The following CNOT3 variants were observed in gnomAD, a reference collection of about 807,000 sequenced individuals.
CNOT3 encodes CCR4-NOT transcription complex subunit 3.
Under a neutral mutation model 89.4 loss-of-function variants are expected in CNOT3, and 2 were observed. That is an observed-to-expected ratio of 0.02 (90% CI 0.01 to 0.07). The LOEUF is 0.07. Among genes scored for constraint, CNOT3 ranks in the 10% least tolerant of loss-of-function variants. CNOT3 has a pLI of 1.00. For synonymous variants in CNOT3, 486 were observed against 402.0 expected (o/e 1.21, Z -2.50); for missense variants, 664 against 1,010.2 (o/e 0.66, Z 4.65).
Position 54,152,482 on chromosome 19 carries a change from A to C in CNOT3, c.1760A>C (p.Gln587Pro). Reference protein sequence around the residue: ...APPASAQPPLQLSEVNIPLSL... With the variant: ...APPASAQPPLPLSEVNIPLSL... ...CCGGCCTCAGCCCAGCCGCCCCTGCAGCTGTCAGAGGTGAACATACCGCTG... is the reference window on the plus strand; with the variant it reads ...CCGGCCTCAGCCCAGCCGCCCCTGCCGCTGTCAGAGGTGAACATACCGCTG... The change falls in exon 15 of 18, where the codon CAG becomes CCG. Residue 587 changes from glutamine to proline, a missense_variant. Around this residue, in one of 8 missense-constraint regions of CNOT3, gnomAD observed 545 missense variants for 566.2 expected, o/e 0.96. Transcript: ENST00000221232. The C allele has an allele frequency of 1.9e-6, 3 of 1,614,180 alleles. No homozygotes were observed. The highest frequency in any genetic ancestry group is 2.5e-6 in the Non-Finnish European group (3 of 1,180,018).
At chr19:54,146,510 G>A in intron 9 of CNOT3, 91 bp from the exon 10 acceptor site, 1 of 772,640 alleles carries the variant, frequency 1.3e-6, no homozygotes, top group Non-Finnish European at 2.4e-6. Context: ...CAGTCAATTG[G>A]GCCCAGGTCC....
At chr19:54,152,694 T>C in intron 15 of CNOT3, 68 bp downstream of exon 15, 1 of 1,333,564 alleles carries the variant, frequency 7.5e-7, no homozygotes, top group African/African-American at 1.4e-5. Context: ...TGGCTGAACC[T>C]GTGAGGCTGT....
In CNOT3 at chr19:54,148,443, G is replaced by T. The variant is rs753246658; in HGVS notation, c.1190G>T (p.Gly397Val). The change falls in exon 11 of 18, where the codon GGA becomes GTA. Residue 397 changes from glycine (G) to valine (V), a missense_variant. Physicochemically the swap from Gly to Val is moderately radical, Grantham distance 109. This residue lies in a region of CNOT3 where 545 missense variants were observed against 566.2 expected (regional missense o/e 0.96). Coordinates refer to ENST00000221232, the MANE Select transcript of CNOT3 (RefSeq NM_014516.4). The surrounding 1 kb of genome is among the most constrained non-coding windows in gnomAD (Gnocchi z 6.3). ...CGGCCCCCCAGCGTCCAGCCTAGCGGAGGCGGAGGCGGCGGCAGCGGAGGC... is the reference window on the plus strand; with the variant it reads ...CGGCCCCCCAGCGTCCAGCCTAGCGTAGGCGGAGGCGGCGGCAGCGGAGGC... The part of the protein sequence containing the change: ...QPRPPSVQPS[G>V]GGGGGSGGGG... 6.4e-7 allele frequency: 1 copy of T among 1,567,658 alleles called. No homozygotes were observed. The highest frequency in any genetic ancestry group is 8.7e-7 in the Non-Finnish European group (1 of 1,154,718).
chr19:54,143,555 G>A lies in CNOT3; in HGVS notation c.168+39G>A, dbSNP rs767148026. The A allele has an allele frequency of 1.1e-5, 17 of 1,610,098 alleles. No homozygotes were observed. In the Admixed American group the frequency reaches 2.8e-4, roughly 27 times the overall value. On this transcript the variant is annotated intron_variant, in intron 4 of 17. Coordinates refer to ENST00000221232, the MANE Select transcript of CNOT3 (RefSeq NM_014516.4). ...GGGCCTGGACGCCTTTGTCCTGAGG[G>A]TAGAGGGAACTGGGAGAGTGGACTG...
At position 54,155,554 on chromosome 19, in the gene CNOT3, T is replaced by G; in HGVS notation, c.*147T>G. 1 of 928,166 alleles carries G rather than the reference T, an allele frequency of 1.1e-6. No individual in the cohort carries two copies. Among genetic ancestry groups the G allele is most frequent in the Non-Finnish European group, 1.6e-6 (1 of 626,666 alleles). 57.5% of individuals were successfully genotyped at this position (928,166 alleles called of 1,614,324 possible). A position where few individuals can be genotyped will look rare whatever the true frequency, so the allele number is the denominator to read the frequency against. On this transcript the variant is annotated 3_prime_UTR_variant, in exon 18 of 18. Coordinates refer to ENST00000221232, the MANE Select transcript of CNOT3 (RefSeq NM_014516.4). The stretch of plus-strand genomic sequence containing the variant: ...AAGCAGGGAGGGGGCCGGGAGGTTT[T>G]CCTCTCAGCCCCACCCTGGGGGCCC...
Position 54,149,551 on chromosome 19 carries a change from T to G in CNOT3, c.1407-9T>G, listed in dbSNP as rs1414794768. 13 of 1,547,680 alleles carry G rather than the reference T, an allele frequency of 8.4e-6. No homozygotes were observed. Among genetic ancestry groups the G allele is most frequent in the African/African-American group, 6.9e-5 (5 of 72,784 alleles). ...CCTCTCAACCCCCTCTTCCATGCTC[T>G]CTCTCCAGGAAGGAACCCAGTGCGG... On this transcript the variant is annotated splice_polypyrimidine_tract_variant and intron_variant, in intron 12 of 17. Coordinates refer to ENST00000221232, the MANE Select transcript of CNOT3 (RefSeq NM_014516.4).
intron 17 of CNOT3, chr19:54,154,255 G>A (rs749479139): frequency 5.4e-5 from 20 of 370,250 alleles, no homozygotes; most frequent in Non-Finnish European, 9.0e-5. Flanking sequence ...CAGGGCAGGG[G>A]CTCAGTGCGG....
rs587602245 is a variant in CNOT3 at position 54,138,808 on chromosome 19, G to C, written c.-51+815G>C. 4.6e-5 allele frequency among the ~76,000 whole-genome samples: 7 copies of C among 152,364 alleles called. No individual in the cohort carries two copies. The South Asian group carries it at 1.4e-3, about 32-fold the overall frequency. On this transcript the variant is annotated intron_variant, in intron 1 of 17. Coordinates refer to ENST00000221232, the MANE Select transcript of CNOT3 (RefSeq NM_014516.4). ...CGCCATCCCGCTGCACTGGGCGCCTGCCTTTTTGGGGGAGTTTGGCTTTCC... is the reference window on the plus strand; with the variant it reads ...CGCCATCCCGCTGCACTGGGCGCCTCCCTTTTTGGGGGAGTTTGGCTTTCC...
rs2074613611 is a variant in CNOT3 at position 54,145,234 on chromosome 19, G to T, written c.484-364G>T. Among the ~76,000 whole-genome samples the T allele has an allele frequency of 1.3e-5, 2 of 152,158 alleles. No homozygotes were observed. Among genetic ancestry groups the T allele is most frequent in the South Asian group, 4.1e-4 (2 of 4,832 alleles). On this transcript the variant is annotated intron_variant, in intron 7 of 17. Transcript: ENST00000221232. The surrounding 1 kb of genome is among the most constrained non-coding windows in gnomAD (Gnocchi z 5.9). Reference sequence around the variant, plus strand: ...CAGGTCGGAGGGTATCTGTATGCCAGAGGCAGTCACAGTGGTGGGCGGGCT... The same window carrying T: ...CAGGTCGGAGGGTATCTGTATGCCATAGGCAGTCACAGTGGTGGGCGGGCT...
At chr19:54,151,414 G>A (rs188908388) in intron 13 of CNOT3, among the ~76,000 whole-genome samples, 1 of 152,236 alleles carries the variant, frequency 6.6e-6, no homozygotes, top group East Asian at 1.9e-4. Flanking sequence ...TTTAGAAGCA[G>A]GACGGATAGC....
Position 54,146,618 on chromosome 19 carries a change from TA to T in CNOT3, c.857del (p.Lys286ArgfsTer49). 6.4e-7 allele frequency: 1 copy of T among 1,555,210 alleles called. No individual in the cohort carries two copies. Reference sequence around the variant, plus strand: ...TACCTCAGGAAAACTCTGAAGATGATAAGAAGAGGGGACGTTCCACAGACAG... The same window carrying T: ...TACCTCAGGAAAACTCTGAAGATGATAGAAGAGGGGACGTTCCACAGACAG... ...NCTTENSEDD[K>X]KRGRSTDSEV... On this transcript the variant is annotated frameshift_variant, in exon 10 of 18. Transcript: ENST00000221232. LOFTEE classifies it high-confidence loss of function.
chr19:54,141,448 C>T (rs1006163993), intron 1 of CNOT3: 1 of 152,194 alleles, frequency 6.6e-6, no homozygotes, highest in Non-Finnish European at 1.5e-5. Flanking sequence ...GCTTCTTGTT[C>T]TAAAGCATAT....
rs2074823085 is a variant in CNOT3, at chr19:54,148,465, A to T, written c.1212A>T (p.Gly404=). The T allele has an allele frequency of 1.3e-6, 2 of 1,560,562 alleles. No individual in the cohort carries two copies. The highest frequency in any genetic ancestry group is 3.6e-5 in the Admixed American group (2 of 56,040). ...GCGGAGGCGGAGGCGGCGGCAGCGG[A>T]GGCGGAGGGAGCAGCAGCAGTAGTA... ...QPSGGGGGGS[G]GGGSSSSSNS... Residue 404 remains glycine (G), a synonymous_variant, in exon 11 of 18, where the codon GGA becomes GGT. Transcript: ENST00000221232. The surrounding 1 kb of genome is among the most constrained non-coding windows in gnomAD (Gnocchi z 6.3).
In CNOT3 at chr19:54,144,480, G is replaced by A. The variant is rs964551556; in HGVS notation, c.483+148G>A. 3.0e-6 allele frequency: 2 copies of A among 667,292 alleles called. No individual in the cohort carries two copies. Among genetic ancestry groups the A allele is most frequent in the East Asian group, 2.7e-5 (1 of 36,808 alleles). 41.3% of individuals were successfully genotyped at this position (667,292 alleles called of 1,614,324 possible). ...AACAGCCGGGATTAGGGATTTGAGA[G>A]ACAGGATTGGGAGGGCTTAGCAGCT... is the stretch of plus-strand genomic sequence containing the variant. On this transcript the variant is annotated intron_variant, in intron 7 of 17. Coordinates refer to ENST00000221232, the MANE Select transcript of CNOT3 (RefSeq NM_014516.4). The surrounding 1 kb of genome is among the most constrained non-coding windows in gnomAD (Gnocchi z 4.8).
At position 54,148,723 on chromosome 19, in the gene CNOT3, C is replaced by A. The variant is rs768934869; in HGVS notation, c.1386C>A (p.His462Gln). The change falls in exon 12 of 18, where the codon CAC becomes CAA. Residue 462 changes from histidine (H) to glutamine (Q), a missense_variant. This residue lies in a region of CNOT3 where 545 missense variants were observed against 566.2 expected (regional missense o/e 0.96). Coordinates refer to ENST00000221232, the MANE Select transcript of CNOT3 (RefSeq NM_014516.4). The surrounding 1 kb of genome is among the most constrained non-coding windows in gnomAD (Gnocchi z 6.3). ...SQALGPPSGPHNPPPSTSKEP... is the reference protein window; with the variant it reads ...SQALGPPSGPQNPPPSTSKEP... ...CCTTGGGCCCCCCTTCCGGCCCCCA[C>A]AACCCACCTCCCAGCACCTCGTGAG... 4.0e-5 allele frequency: 64 copies of A among 1,611,710 alleles called. No individual in the cohort carries two copies. The South Asian group carries it at 6.6e-4, about 17-fold the overall frequency.
intron 16 of CNOT3, chr19:54,153,321 A>G: frequency 3.9e-6 from 3 of 759,682 alleles, no homozygotes; most frequent in East Asian, 2.5e-5. Flanking sequence ...GGCCGACCCC[A>G]CTCTGCTCAT....
At chr19:54,151,833 C>CG (rs1341824143) in intron 13 of CNOT3, among the ~76,000 whole-genome samples, 1 of 152,224 alleles carries the variant, frequency 6.6e-6, no homozygotes, top group Non-Finnish European at 1.5e-5. Context: ...TCAAGACAGG[C>CG]GGGAGCTCTC....
rs2146819608 is a variant in CNOT3 at position 54,155,144 on chromosome 19, CAAG to C, written c.2164-159_2164-157del. The stretch of plus-strand genomic sequence containing the variant: ...AAGTGGCATGATAACATTTCCTACC[CAAG>C]AAGAACCTTGTGAGGATGGATGAGA... On this transcript the variant is annotated intron_variant, in intron 17 of 17. Transcript: ENST00000221232. 8.5e-6 allele frequency: 6 copies of C among 706,510 alleles called. No individual in the cohort carries two copies. In the East Asian group the frequency reaches 9.3e-5, roughly 11 times the overall value. The allele number at this position is 706,510 out of a possible 1,614,324, so 43.8% of individuals were successfully genotyped here.
rs1568698769 is a variant in CNOT3 at position 54,155,306 on chromosome 19, C to T, written c.2164-3C>T. The T allele has an allele frequency of 6.2e-7, 1 of 1,613,200 alleles. No homozygotes were observed. The highest frequency in any genetic ancestry group is 8.5e-7 in the Non-Finnish European group (1 of 1,179,626). On this transcript the variant is annotated splice_polypyrimidine_tract_variant and splice_region_variant and intron_variant, in intron 17 of 17. Transcript: ENST00000221232. ...CTCACTGACCGCCTTCTCCCCCGGCCAGGGCACCTACATCTACTTTGACTA... is the reference window on the plus strand; with the variant it reads ...CTCACTGACCGCCTTCTCCCCCGGCTAGGGCACCTACATCTACTTTGACTA...
Sources: gnomAD v4.1 joint callset for allele counts (sites outside exome capture counted in the v4.1 genomes callset) on GRCh38, gnomAD v4.1.1 for gene constraint, gnomAD v4.1.1 regional missense constraint, Gnocchi (gnomAD v3.1) non-coding constraint, MANE v1.5 for transcripts, NCBI Gene and HGNC (gene_info 2026-07-23, HGNC 2026-07-21) for gene names.